CALCR: variants seen among roughly 807,000 people sequenced by gnomAD.
The protein encoded by CALCR is calcitonin receptor.
CALCR carries 47 observed loss-of-function variants against 59.5 expected under a neutral mutation model. The ratio of observed to expected loss-of-function variants is 0.79; its 90% confidence interval spans 0.63 to 1.01. CALCR has a LOEUF of 1.01. Among genes scored for constraint, CALCR ranks in the 50% least tolerant of loss-of-function variants. CALCR has a pLI of 0.00. For synonymous variants in CALCR, 213 were observed against 211.3 expected (o/e 1.01, Z -0.07); for missense variants, 566 against 597.1 (o/e 0.95, Z 0.54).
chr7:93,515,228 T>C (rs776304167), intron 2 of CALCR, among the ~76,000 whole-genome samples: 38 of 152,004 alleles, frequency 2.5e-4, no homozygotes, highest in Non-Finnish European at 4.9e-4. Flanking sequence ...ATTTCTAACA[T>C]ATGAATTCCT....
intron 7 of CALCR, among the ~76,000 whole-genome samples, chr7:93,461,439 C>G (rs1800334789): frequency 6.6e-6 from 1 of 152,182 alleles, no homozygotes; most frequent in Non-Finnish European, 1.5e-5. Context: ...CACTTCACGT[C>G]TCCTGGCATC....
intron 2 of CALCR, among the ~76,000 whole-genome samples, chr7:93,530,489 C>G (rs1241218154): frequency 6.6e-6 from 1 of 152,056 alleles, no homozygotes; most frequent in Non-Finnish European, 1.5e-5. Context: ...GACAGGAGGT[C>G]TATAATTTCC....
At chr7:93,451,431 G>C (rs1442548612) in intron 8 of CALCR, among the ~76,000 whole-genome samples, 10 of 151,950 alleles carry the variant, frequency 6.6e-5, no homozygotes, top group Admixed American at 6.6e-4. Context: ...TCATTTAAAA[G>C]CATGTCCTTT....
chr7:93,495,977 G>C, intron 2 of CALCR: 2 of 1,439,244 alleles, frequency 1.4e-6, no homozygotes, highest in Non-Finnish European at 1.9e-6. Context: ...CATTTATTCT[G>C]TGAATAAATA....
At chr7:93,567,461 A>G (rs1412572771) in intron 2 of CALCR, among the ~76,000 whole-genome samples, 1 of 152,234 alleles carries the variant, frequency 6.6e-6, no homozygotes, top group African/African-American at 2.4e-5. Flanking sequence ...TTAAACCACC[A>G]TAAAACAAGT....
In CALCR at chr7:93,479,458, A is replaced by G. The variant is rs780482072; in HGVS notation, c.101T>C (p.Ile34Thr). 5.0e-6 allele frequency: 8 copies of G among 1,612,370 alleles called. No individual in the cohort carries two copies. Among genetic ancestry groups the G allele is most frequent in the Non-Finnish European group, 2.5e-6 (3 of 1,179,060 alleles). ...PAFSNQTYPT[I>T]EPKPFLYVVG... ...GACGTAAAGAAATGGCTTGGGCTCT[A>G]TTGTTGGATAGGTTTGATTTGAAAA... Residue 34 changes from isoleucine (I) to threonine (T), a missense_variant, in exon 4 of 14, where the codon ATA becomes ACA. Physicochemically the swap from Ile to Thr is moderately conservative, Grantham distance 89 (BLOSUM62 -1). Transcript: ENST00000426151.
intron 2 of CALCR, among the ~76,000 whole-genome samples, chr7:93,522,441 G>A (rs1801784529): frequency 6.6e-6 from 1 of 152,252 alleles, no homozygotes; most frequent in East Asian, 1.9e-4. Flanking sequence ...CAGAACTGGA[G>A]GTTGAGTGTA....
chr7:93,546,090 T>G (rs1335270555), intron 2 of CALCR, among the ~76,000 whole-genome samples: 1 of 152,134 alleles, frequency 6.6e-6, no homozygotes, highest in African/African-American at 2.4e-5. Flanking sequence ...CATAATCCCA[T>G]AGGCAATATT....
chr7:93,469,606 T>C (rs1274136609), intron 6 of CALCR, among the ~76,000 whole-genome samples: 2 of 151,626 alleles, frequency 1.3e-5, no homozygotes, highest in Non-Finnish European at 3.0e-5. Flanking sequence ...TTCACTCTAT[T>C]TTGACACTAG....
At chr7:93,552,500 A>C (rs1334160064) in intron 2 of CALCR, among the ~76,000 whole-genome samples, 1 of 152,192 alleles carries the variant, frequency 6.6e-6, no homozygotes, top group African/African-American at 2.4e-5. Context: ...ACTAAGGTTA[A>C]ATACTGATCT....
chr7:93,571,109 G>T (rs573182050), intron 2 of CALCR, among the ~76,000 whole-genome samples: 15 of 152,238 alleles, frequency 9.9e-5, no homozygotes, highest in Admixed American at 3.9e-4. Flanking sequence ...TTGAAAACAA[G>T]TTAGTATCAT....
At chr7:93,544,848 G>A (rs1208008592) in intron 2 of CALCR, among the ~76,000 whole-genome samples, 1 of 152,090 alleles carries the variant, frequency 6.6e-6, no homozygotes, top group Non-Finnish European at 1.5e-5. Flanking sequence ...AGATATTTAT[G>A]TCACTGTGAA....
intron 2 of CALCR, among the ~76,000 whole-genome samples, chr7:93,546,084 A>T (rs1789277858): frequency 6.6e-6 from 1 of 152,116 alleles, no homozygotes; most frequent in Non-Finnish European, 1.5e-5. Flanking sequence ...TTTTACCATA[A>T]TCCCATAGGC....
intron 2 of CALCR, among the ~76,000 whole-genome samples, chr7:93,557,568 T>G (rs747986100): frequency 6.6e-6 from 1 of 151,920 alleles, no homozygotes; most frequent in Non-Finnish European, 1.5e-5. Context: ...ATTATTATTT[T>G]CAGAAATTAT....
intron 2 of CALCR, among the ~76,000 whole-genome samples, chr7:93,505,448 T>G (rs1470933054): frequency 6.6e-6 from 1 of 152,192 alleles, no homozygotes; most frequent in Non-Finnish European, 1.5e-5. Context: ...GAAACCCTCA[T>G]TTGAAAATGA....
intron 8 of CALCR, among the ~76,000 whole-genome samples, chr7:93,449,430 A>T (rs1373853550): frequency 6.6e-6 from 1 of 152,042 alleles, no homozygotes; most frequent in African/African-American, 2.4e-5. Flanking sequence ...GTATATCTAG[A>T]CTACATATTG....
intron 2 of CALCR, among the ~76,000 whole-genome samples, chr7:93,488,653 T>C (rs947541872): frequency 1.8e-4 from 20 of 113,472 alleles, no homozygotes; most frequent in African/African-American, 6.4e-4. Flanking sequence ...ACCAACAAGA[T>C]AAAAAAAAAG....
intron 7 of CALCR, among the ~76,000 whole-genome samples, chr7:93,461,738 G>T (rs989921067): frequency 1.3e-5 from 2 of 152,138 alleles, no homozygotes; most frequent in Admixed American, 6.5e-5. Context: ...TTGTACATAT[G>T]TGTTGGTGTG....
chr7:93,572,138 T>C (rs1361659759), intron 2 of CALCR, among the ~76,000 whole-genome samples: 2 of 152,176 alleles, frequency 1.3e-5, no homozygotes, highest in African/African-American at 2.4e-5. Flanking sequence ...ACGGTCTAAA[T>C]ATCTAACATC....
Sources: allele counts gnomAD v4.1 joint callset (sites outside exome capture counted in the v4.1 genomes callset), GRCh38; gene constraint gnomAD v4.1.1; transcripts MANE v1.5; gene names NCBI Gene and HGNC (gene_info 2026-07-23, HGNC 2026-07-21).